KRT75: variants seen among roughly 807,000 people sequenced by gnomAD.
KRT75 encodes the protein keratin, type II cytoskeletal 75.
In KRT75, 35 loss-of-function variants were observed where a neutral mutation model predicts 48.8. The ratio of observed to expected loss-of-function variants is 0.72; its 90% CI spans 0.55 to 0.95. The LOEUF is 0.95. KRT75 is among the 40% of genes least tolerant of loss of function. The probability of loss-of-function intolerance (pLI) is 0.00; values close to 1 mark genes in which losing one functional copy is unlikely to be tolerated. For synonymous variants in KRT75, 301 were observed against 282.3 expected (o/e 1.07, Z -0.66); for missense variants, 776 against 709.9 (o/e 1.09, Z -1.06).
At chr12:52,428,159 G>C (rs945535782) in intron 7 of KRT75, 97 bp downstream of exon 7, 1 of 1,459,594 alleles carries the variant, frequency 6.9e-7, no homozygotes, top group Non-Finnish European at 9.6e-7. Context: ...TCTTCCAGGA[G>C]AAGAAGGGGC....
At chr12:52,426,966 T>C in intron 7 of KRT75, 115 bp from the exon 8 acceptor site, 3 of 860,904 alleles carry the variant, frequency 3.5e-6, no homozygotes, top group South Asian at 2.8e-5. Context: ...TTTATTATTT[T>C]TATTGCAGAA....
Position 52,424,288 on chromosome 12 carries a change from GA to G in KRT75, c.*228del, listed in dbSNP as rs1372202197. ...AAGATAGGCTGAATGAGAGCCTTAGGAGAGAGCAGGCTTTGGTTTCACATGT... is the reference window on the plus strand; with the variant it reads ...AAGATAGGCTGAATGAGAGCCTTAGGGAGAGCAGGCTTTGGTTTCACATGT... On this transcript the variant is annotated 3_prime_UTR_variant, in exon 9 of 9. Coordinates refer to ENST00000252245, the MANE Select transcript of KRT75 (RefSeq NM_004693.3). 1.6e-6 allele frequency: 1 copy of G among 638,394 alleles called. No homozygotes were observed. The highest frequency in any genetic ancestry group is 2.8e-6 in the Non-Finnish European group (1 of 352,982). The allele number at this position is 638,394 out of a possible 1,614,324, so 39.5% of individuals were successfully genotyped here.
At chr12:52,430,045 C>T (rs1025628820) in intron 5 of KRT75, among the ~76,000 whole-genome samples, 19 of 152,126 alleles carry the variant, frequency 1.2e-4, no homozygotes, top group Admixed American at 1.2e-3. Context: ...CATGGCTTCC[C>T]AACTGTACAA....
chr12:52,432,935 G>C, intron 2 of KRT75, 103 bp downstream of exon 2: 1 of 1,190,678 alleles, frequency 8.4e-7, no homozygotes, highest in East Asian at 2.4e-5. Flanking sequence ...CAGTTCCAAA[G>C]CTCCCGGCTG....
intron 8 of KRT75, among the ~76,000 whole-genome samples, chr12:52,426,342 A>T (rs1263509753): frequency 3.3e-5 from 5 of 152,234 alleles, no homozygotes; most frequent in Admixed American, 2.6e-4. Context: ...TGAGCCAAGC[A>T]GTGGAGCTTC....
Position 52,432,086 on chromosome 12 carries a change from G to A in KRT75, c.714-20C>T, listed in dbSNP as rs369845645. ...TCGTACCTATAAGGACAGAGCGGGG[G>A]GTGTGCTGTTGAGCAAGTCTGCATT... On this transcript the variant is annotated intron_variant, in intron 2 of 8. Coordinates refer to ENST00000252245, the MANE Select transcript of KRT75 (RefSeq NM_004693.3). The A allele has an allele frequency of 6.2e-7, 1 of 1,613,762 alleles. No homozygotes were observed. Among genetic ancestry groups the A allele is most frequent in the South Asian group, 1.1e-5 (1 of 91,052 alleles).
chr12:52,433,726 A>G lies in KRT75; in HGVS notation c.498+81T>C, dbSNP rs1242018120. The G allele has an allele frequency of 7.5e-6, 12 of 1,600,474 alleles. No individual in the cohort carries two copies. In the African/African-American group the frequency reaches 1.5e-4, roughly 20 times the overall value. ...ATTCCCACAGTGGGGTCATTGCATT[A>G]TTGCTCTCCCCCCATGGGATGGCCC... On this transcript the variant is annotated intron_variant, in intron 1 of 8. Transcript: ENST00000252245.
In KRT75 at chr12:52,431,886, G is replaced by A. The variant is rs575039434; in HGVS notation, c.774+120C>T. 50 of 969,530 alleles carry A rather than the reference G, an allele frequency of 5.2e-5. No individual in the cohort carries two copies. In the African/African-American group the frequency reaches 7.8e-4, roughly 15 times the overall value. 60.1% of individuals were successfully genotyped at this position (969,530 alleles called of 1,614,324 possible). The stretch of plus-strand genomic sequence containing the variant: ...GAACATGTTGGGAGGTTTGAACTCT[G>A]CAGATATTCTCAAGGTTGATGTGAC... On this transcript the variant is annotated intron_variant, in intron 3 of 8. Coordinates refer to ENST00000252245, the MANE Select transcript of KRT75 (RefSeq NM_004693.3).
chr12:52,428,470 TG>T lies in KRT75; in HGVS notation c.1167del (p.Ser390AlafsTer48). The T allele has an allele frequency of 6.2e-7, 1 of 1,613,500 alleles. No homozygotes were observed. Among genetic ancestry groups the T allele is most frequent in the South Asian group, 1.1e-5 (1 of 90,996 alleles). On this transcript the variant is annotated frameshift_variant, in exon 7 of 9. Coordinates refer to ENST00000252245, the MANE Select transcript of KRT75 (RefSeq NM_004693.3). LOFTEE classifies it high-confidence loss of function. ...GCATCAGCAATGGCCGTTTGCAAGC[TG>T]GAACACTGTAAGGACAGGAGGAAGC... Reference protein sequence around the residue: ...AEIDSVKKQCSSLQTAIADAE... With the variant: ...AEIDSVKKQCXSLQTAIADAE...
chr12:52,430,245 C>T (rs1940125672), intron 5 of KRT75, among the ~76,000 whole-genome samples: 1 of 152,090 alleles, frequency 6.6e-6, no homozygotes, highest in African/African-American at 2.4e-5. Context: ...CTTTTAGAAA[C>T]TGCTTCATGA....
In KRT75 at chr12:52,434,175, T is replaced by A; in HGVS notation, c.130A>T (p.Ser44Cys). The A allele has an allele frequency of 6.2e-7, 1 of 1,612,216 alleles. No homozygotes were observed. Among genetic ancestry groups the A allele is most frequent in the Non-Finnish European group, 8.5e-7 (1 of 1,178,874 alleles). ...CTGCTGATCCTTCCCAGGCCCCCAC[T>A]CCCTGCTGCAGAGCGGGCCACAGAG... ...SVSVARSAAG[S>C]GGLGRISSAG... Residue 44 changes from serine to cysteine, a missense_variant, in exon 1 of 9, where the codon AGT (serine) becomes TGT (cysteine). Ser to Cys is a moderately radical substitution (Grantham distance 112, BLOSUM62 -1). Coordinates refer to ENST00000252245, the MANE Select transcript of KRT75 (RefSeq NM_004693.3).
At position 52,432,006 on chromosome 12, in the gene KRT75, CT is replaced by C; in HGVS notation, c.773del (p.Lys258ArgfsTer3). 1.2e-6 allele frequency: 2 copies of C among 1,614,098 alleles called. No homozygotes were observed. The highest frequency in any genetic ancestry group is 1.7e-6 in the Non-Finnish European group (2 of 1,179,958). On this transcript the variant is annotated frameshift_variant and splice_region_variant, in exon 3 of 9. Transcript: ENST00000252245. LOFTEE classifies it high-confidence loss of function. ...AAENEFVALK[K>X]DVDAAYMNKV... is the part of the protein sequence containing the mutation. The stretch of plus-strand genomic sequence containing the variant: ...CTTTGAGAGAAACATCCCCACTCAC[CT>C]TTTTCAGGGCTACAAATTCATTCTC...
rs1301715204 is a variant in KRT75, at chr12:52,428,453, A to G, written c.1185T>C (p.Ile395=). ...KKQCSSLQTA[I]ADAEQRGELA... ...GTTCTCCCCGCTGCTCTGCATCAGCAATGGCCGTTTGCAAGCTGGAACACT... is the reference window on the plus strand; with the variant it reads ...GTTCTCCCCGCTGCTCTGCATCAGCGATGGCCGTTTGCAAGCTGGAACACT... The change falls in exon 7 of 9, where the codon ATT becomes ATC. Residue 395 remains isoleucine, a synonymous_variant. Coordinates refer to ENST00000252245, the MANE Select transcript of KRT75 (RefSeq NM_004693.3). The G allele has an allele frequency of 6.2e-7, 1 of 1,613,916 alleles. No individual in the cohort carries two copies. The highest frequency in any genetic ancestry group is 1.7e-5 in the Admixed American group (1 of 59,984).
intron 5 of KRT75, among the ~76,000 whole-genome samples, chr12:52,429,163 G>A (rs943182878): frequency 6.6e-6 from 1 of 152,154 alleles, no homozygotes; most frequent in Non-Finnish European, 1.5e-5. Context: ...CTGGGTCAGG[G>A]AAGGAACATG....
intron 5 of KRT75, 147 bp from the exon 6 acceptor site, chr12:52,428,890 G>C: frequency 1.1e-6 from 1 of 950,842 alleles, no homozygotes; most frequent in Non-Finnish European, 1.7e-6. Context: ...AGTTTATTGG[G>C]GGACATAGAC....
Position 52,433,216 on chromosome 12 carries a change from T to C in KRT75, c.535A>G (p.Thr179Ala). ...FLEQQNKVLE[T>A]KWALLQEQGS... is the part of the protein sequence containing the mutation. The stretch of plus-strand genomic sequence containing the variant: ...TGCTCCTGCAGGAGGGCCCACTTGG[T>C]CTCCAGGACCTTGTTCTGCTGCTCC... Residue 179 changes from threonine (T) to alanine (A), a missense_variant, in exon 2 of 9, where the codon ACC becomes GCC. Thr to Ala is a moderately conservative substitution (Grantham distance 58, BLOSUM62 0). Coordinates refer to ENST00000252245, the MANE Select transcript of KRT75 (RefSeq NM_004693.3). The C allele has an allele frequency of 6.2e-7, 1 of 1,613,876 alleles. No homozygotes were observed. The highest frequency in any genetic ancestry group is 8.5e-7 in the Non-Finnish European group (1 of 1,179,950).
chr12:52,427,744 G>A (rs1940091698), intron 7 of KRT75, among the ~76,000 whole-genome samples: 1 of 152,208 alleles, frequency 6.6e-6, no homozygotes, highest in Non-Finnish European at 1.5e-5. Context: ...ACTGAGAGGT[G>A]GAGAGGTTAA....
intron 7 of KRT75, 68 bp from the exon 8 acceptor site, chr12:52,426,919 A>T: frequency 7.7e-7 from 1 of 1,304,698 alleles, no homozygotes; most frequent in Admixed American, 1.7e-5. Context: ...CTTTGCAATG[A>T]CACTTTTGTA....
intron 4 of KRT75, 83 bp downstream of exon 4, chr12:52,431,459 TG>T: frequency 9.6e-7 from 1 of 1,038,688 alleles, no homozygotes; most frequent in East Asian, 2.4e-5. Context: ...GCAGAGGCAC[TG>T]AATGAATGAA....
Sources: allele counts gnomAD v4.1 joint callset (sites outside exome capture counted in the v4.1 genomes callset), GRCh38; gene constraint gnomAD v4.1.1; transcripts MANE v1.5; gene names NCBI Gene and HGNC (gene_info 2026-07-23, HGNC 2026-07-21).